The following LARP1B variants were observed in gnomAD, a reference collection of about 807,000 sequenced individuals.
LARP1B encodes la-related protein 1B.
In LARP1B, 76 loss-of-function variants were observed where a neutral mutation model predicts 114.2. The ratio of observed to expected loss-of-function variants is 0.67; its 90% confidence interval spans 0.55 to 0.81. LARP1B has a LOEUF of 0.81. Among genes scored for constraint, LARP1B ranks in the 30% least tolerant of loss-of-function variants. The pLI, the probability that LARP1B is intolerant of heterozygous loss-of-function variation, is 0.00. For missense variants in LARP1B, 1,014 were observed against 1,075.8 expected, an observed-to-expected ratio of 0.94 and a Z score of 0.80; for synonymous variants, 345 against 348.0, an observed-to-expected ratio of 0.99 and a Z score of 0.10.
intron 11 of LARP1B, among the ~76,000 whole-genome samples, chr4:128,132,246 T>C (rs1425896022): frequency 3.3e-5 from 5 of 152,060 alleles, no homozygotes; most frequent in Admixed American, 2.0e-4. Context: ...TGTTTTTGAT[T>C]ATTATTATTG....
chr4:128,179,134 G>A (rs1747471964), intron 14 of LARP1B, among the ~76,000 whole-genome samples: 1 of 152,124 alleles, frequency 6.6e-6, no homozygotes, highest in South Asian at 2.1e-4. Flanking sequence ...CAATTGGATA[G>A]TGTAATTAAA....
At position 128,206,381 on chromosome 4, in the gene LARP1B, A is replaced by G. The variant is rs374578396; in HGVS notation, c.2310-47A>G. 117 of 1,105,998 alleles carry G rather than the reference A, an allele frequency of 1.1e-4. 1 individual carries two copies. The highest frequency in any genetic ancestry group is 5.4e-4 in the Middle Eastern group (2 of 3,722). 68.5% of individuals were successfully genotyped at this position (1,105,998 alleles called of 1,614,324 possible). ...TTTGCTTATATTGATGTTACTAACT[A>G]TAGAGATATTGTATTTTATTATAAA... On this transcript the variant is annotated intron_variant, in intron 17 of 19. Transcript: ENST00000326639.
In LARP1B at chr4:128,178,487, G is replaced by A. The variant is rs1423671356; in HGVS notation, c.1741G>A (p.Ala581Thr). ...TGATGTTTCAGAAATAACTTCAGCAGCAATGGTTCATTCGTTGCCTACAGC... is the reference window on the plus strand; with the variant it reads ...TGATGTTTCAGAAATAACTTCAGCAACAATGGTTCATTCGTTGCCTACAGC... ...LFDVSEITSAAMVHSLPTAVP... is the reference protein window; with the variant it reads ...LFDVSEITSATMVHSLPTAVP... Residue 581 changes from alanine to threonine, a missense_variant, in exon 14 of 20, where the codon GCA becomes ACA. Coordinates refer to ENST00000326639, the MANE Select transcript of LARP1B (RefSeq NM_018078.4). 1.2e-6 allele frequency: 2 copies of A among 1,613,900 alleles called. No individual in the cohort carries two copies. Among genetic ancestry groups the A allele is most frequent in the African/African-American group, 1.3e-5 (1 of 74,906 alleles).
At chr4:128,220,364 C>A in exon 7 of LARP1B, 2 of 962,590 alleles carry the variant, frequency 2.1e-6, no homozygotes, top group Non-Finnish European at 1.2e-6. Context: ...GGAGGCTGAT[C>A]CGATAGAGTA....
At chr4:128,155,293 T>A (rs1470750459) in intron 11 of LARP1B, 2 of 458,350 alleles carry the variant, frequency 4.4e-6, no homozygotes, top group Non-Finnish European at 7.9e-6. Flanking sequence ...GAAGGCACAG[T>A]AGAGGGCCAA....
At chr4:128,144,819 T>C (rs975577147) in intron 11 of LARP1B, among the ~76,000 whole-genome samples, 4 of 152,190 alleles carry the variant, frequency 2.6e-5, no homozygotes, top group African/African-American at 9.6e-5. Context: ...TTCCTATCTA[T>C]TCACTTATTA....
chr4:128,210,358 T>G lies in LARP1B; in HGVS notation c.*305T>G. Reference sequence around the variant, plus strand: ...CAGATTTCTTTTTCAAAGCCATGGTTTTACAAAAACAGCATTCCTTAAATA... The same window carrying G: ...CAGATTTCTTTTTCAAAGCCATGGTGTTACAAAAACAGCATTCCTTAAATA... On this transcript the variant is annotated 3_prime_UTR_variant, in exon 20 of 20. Transcript: ENST00000326639. The G allele has an allele frequency of 8.9e-7, 1 of 1,117,620 alleles. No homozygotes were observed. Among genetic ancestry groups the G allele is most frequent in the Non-Finnish European group, 1.1e-6 (1 of 912,452 alleles). The allele number at this position is 1,117,620 out of a possible 1,614,324, so 69.2% of individuals were successfully genotyped here. A position where few individuals can be genotyped will look rare whatever the true frequency, so the allele number is the denominator to read the frequency against.
chr4:128,132,271 G>T (rs1791790869), intron 11 of LARP1B, among the ~76,000 whole-genome samples: 1 of 152,136 alleles, frequency 6.6e-6, no homozygotes. Context: ...TTGAGACAGA[G>T]TCTTACTCTG....
At chr4:128,099,289 T>C (rs1779420426) in intron 8 of LARP1B, among the ~76,000 whole-genome samples, 1 of 148,746 alleles carries the variant, frequency 6.7e-6, no homozygotes, top group East Asian at 2.0e-4. Flanking sequence ...TTTTTTTCTT[T>C]CTTTTTTTTT....
intron 15 of LARP1B, among the ~76,000 whole-genome samples, chr4:128,195,338 A>G (rs1048456161): frequency 2.6e-5 from 4 of 152,114 alleles, no homozygotes; most frequent in Non-Finnish European, 5.9e-5. Flanking sequence ...GGAATTCTTT[A>G]TCTCTCATTG....
intron 17 of LARP1B, among the ~76,000 whole-genome samples, chr4:128,202,688 A>T (rs1160017546): frequency 6.6e-6 from 1 of 152,142 alleles, no homozygotes; most frequent in Non-Finnish European, 1.5e-5. Context: ...GTTCCTATAC[A>T]CATACCTCTG....
At chr4:128,221,436 C>A (rs539746907) in intron 7 of LARP1B, among the ~76,000 whole-genome samples, 2 of 152,246 alleles carry the variant, frequency 1.3e-5, no homozygotes, top group East Asian at 1.9e-4. Context: ...GAGTTCTTTA[C>A]AATAAGCCTG....
chr4:128,094,607 A>G (rs1270113216), intron 7 of LARP1B, among the ~76,000 whole-genome samples: 4 of 151,358 alleles, frequency 2.6e-5, no homozygotes, highest in South Asian at 2.1e-4. Context: ...GGGTTTTGCC[A>G]TGTTGCCCCA....
chr4:128,205,284 G>T (rs1456373935), intron 17 of LARP1B, among the ~76,000 whole-genome samples: 1 of 152,184 alleles, frequency 6.6e-6, no homozygotes, highest in African/African-American at 2.4e-5. Context: ...AGAATGAAGA[G>T]GTTGTAACCT....
At position 128,082,727 on chromosome 4, in the gene LARP1B, C is replaced by G. The variant is rs551708647; in HGVS notation, c.358+422C>G. Among the ~76,000 whole-genome samples, 104 of 150,098 alleles carry G rather than the reference C, an allele frequency of 6.9e-4. 5 individuals carry two copies. In the South Asian group the frequency reaches 0.022, roughly 31 times the overall value. ...GTAGATATCCCTTACTTTGGGTTTT[C>G]TAATGTTTCCTTATGATTGGATTGG... is the stretch of plus-strand genomic sequence containing the variant. On this transcript the variant is annotated intron_variant, in intron 5 of 19. Transcript: ENST00000326639.
chr4:128,195,578 A>G (rs2150838099), intron 15 of LARP1B, among the ~76,000 whole-genome samples: 1 of 152,326 alleles, frequency 6.6e-6, no homozygotes, highest in East Asian at 1.9e-4. Context: ...TTTAGACAAT[A>G]AGTTCTTTAA....
chr4:128,122,844 AC>A (rs1788443407), intron 11 of LARP1B: 8 of 1,044,518 alleles, frequency 7.7e-6, no homozygotes, highest in Non-Finnish European at 9.2e-6. Flanking sequence ...AAAATAGAGA[AC>A]CAGAATAGTT....
chr4:128,152,477 C>T (rs1331935591), intron 11 of LARP1B, among the ~76,000 whole-genome samples: 2 of 152,052 alleles, frequency 1.3e-5, no homozygotes, highest in Non-Finnish European at 2.9e-5. Flanking sequence ...GCTGAGATTA[C>T]AGGTGTGAGC....
chr4:128,107,570 TTCTA>T (rs1261077209), intron 9 of LARP1B: 47 of 1,369,832 alleles, frequency 3.4e-5, no homozygotes, highest in Admixed American at 6.5e-5. Context: ...TGTATGGAGT[TTCTA>T]TCTTTTATTT....
Sources: gnomAD v4.1 joint callset for allele counts (sites outside exome capture counted in the v4.1 genomes callset) on GRCh38, gnomAD v4.1.1 for gene constraint, MANE v1.5 for transcripts, NCBI Gene and HGNC (gene_info 2026-07-23, HGNC 2026-07-21) for gene names.